R3HCC1L: variants seen among roughly 807,000 people sequenced by gnomAD.
R3HCC1L encodes R3H domain and coiled-coil containing 1 like.
A neutral mutation model predicts 59.9 loss-of-function variants in R3HCC1L; 51 were observed. That is an observed-to-expected ratio of 0.85 (90% CI 0.68 to 1.07). The LOEUF (loss-of-function observed/expected upper bound fraction) is 1.07. Among genes scored for constraint, R3HCC1L ranks in the 50% least tolerant of loss-of-function variants. The probability of loss-of-function intolerance (pLI) is 0.00; values close to 1 mark genes in which losing one functional copy is unlikely to be tolerated. For synonymous variants in R3HCC1L, 322 were observed against 315.2 expected (o/e 1.02, Z -0.23); for missense variants, 965 against 933.0 (o/e 1.03, Z -0.45).
intron 1 of R3HCC1L, among the ~76,000 whole-genome samples, chr10:98,139,283 T>C (rs530140531): frequency 3.3e-5 from 5 of 152,338 alleles, no homozygotes; most frequent in African/African-American, 1.2e-4. Flanking sequence ...AAAGTATAGA[T>C]TTTTCATTAG....
chr10:98,225,484 A>AG (rs987864610), intron 5 of R3HCC1L, among the ~76,000 whole-genome samples: 45 of 152,310 alleles, frequency 3.0e-4, no homozygotes, highest in African/African-American at 1.0e-3. Flanking sequence ...ACAAAAAAAA[A>AG]TGTGTTACTG....
At chr10:98,221,519 G>A (rs536287490) in intron 5 of R3HCC1L, among the ~76,000 whole-genome samples, 1 of 151,632 alleles carries the variant, frequency 6.6e-6, no homozygotes. Flanking sequence ...TAGGTCTAAC[G>A]TTTAAGTCTT....
chr10:98,169,913 G>A (rs1485831616), intron 4 of R3HCC1L, among the ~76,000 whole-genome samples: 1 of 139,600 alleles, frequency 7.2e-6, no homozygotes, highest in Non-Finnish European at 1.5e-5. Flanking sequence ...TGGAGTGAGT[G>A]CTTTTTTTTG....
chr10:98,151,101 C>T (rs1225441808), intron 1 of R3HCC1L, among the ~76,000 whole-genome samples: 1 of 152,138 alleles, frequency 6.6e-6, no homozygotes, highest in Non-Finnish European at 1.5e-5. Flanking sequence ...ACTGTCTCCT[C>T]CTCATTTTTG....
chr10:98,244,530 G>A lies in R3HCC1L; in HGVS notation c.*372G>A, dbSNP rs932614702. ...CAAACCGCAAGTATGGGAGATTTAG[G>A]CCCTGCAGAGGCAGACCATTCCTTA... On this transcript the variant is annotated 3_prime_UTR_variant, in exon 10 of 10. Transcript: ENST00000298999. 1.0e-5 allele frequency: 2 copies of A among 193,884 alleles called. No individual in the cohort carries two copies. The highest frequency in any genetic ancestry group is 2.2e-5 in the Non-Finnish European group (2 of 92,736). The allele number at this position is 193,884 out of a possible 1,614,324, so 12.0% of individuals were successfully genotyped here. A position where few individuals can be genotyped will look rare whatever the true frequency, so the allele number is the denominator to read the frequency against.
At chr10:98,177,499 A>C (rs1174249541) in intron 4 of R3HCC1L, among the ~76,000 whole-genome samples, 1 of 152,180 alleles carries the variant, frequency 6.6e-6, no homozygotes, top group Non-Finnish European at 1.5e-5. Flanking sequence ...ATATGTATGC[A>C]TGTGTCTTTA....
At position 98,151,960 on chromosome 10, in the gene R3HCC1L, C is replaced by T. The variant is rs940240322; in HGVS notation, c.-267-4133C>T. ...CGGTCTCCCTCTCCCTCTCTTTCCA[C>T]GGTCTCCCTCGCCCTCTTTCCACGG... On this transcript the variant is annotated intron_variant, in intron 1 of 9. Coordinates refer to ENST00000298999, the MANE Select transcript of R3HCC1L (RefSeq NM_001351015.2). 7.2e-5 allele frequency among the ~76,000 whole-genome samples: 11 copies of T among 152,136 alleles called. No individual in the cohort carries two copies. In the South Asian group the frequency reaches 1.5e-3, roughly 20 times the overall value.
intron 2 of R3HCC1L, 40 bp downstream of exon 2, chr10:98,156,187 C>T (rs1846855713): frequency 6.6e-6 from 1 of 152,046 alleles, no homozygotes; most frequent in African/African-American, 2.4e-5. Context: ...ATTTTTCTCT[C>T]CTGGGTTTGG....
At position 98,236,239 on chromosome 10, in the gene R3HCC1L, A is replaced by T; in HGVS notation, c.2269+75A>T. On this transcript the variant is annotated intron_variant, in intron 9 of 9. Coordinates refer to ENST00000298999, the MANE Select transcript of R3HCC1L (RefSeq NM_001351015.2). Reference sequence around the variant, plus strand: ...AAGGCATGTGTTTAAAAAAAAATGAATGAAGCCCATTCCATTTTTGTCGTT... The same window carrying T: ...AAGGCATGTGTTTAAAAAAAAATGATTGAAGCCCATTCCATTTTTGTCGTT... 2.0e-6 allele frequency: 3 copies of T among 1,537,396 alleles called. No individual in the cohort carries two copies. In the South Asian group the frequency reaches 3.7e-5, roughly 19 times the overall value.
chr10:98,236,561 A>T (rs1856983383), intron 9 of R3HCC1L, among the ~76,000 whole-genome samples: 1 of 152,202 alleles, frequency 6.6e-6, no homozygotes, highest in South Asian at 2.1e-4. Flanking sequence ...AATGGTTTAG[A>T]TCTGAGGTAG....
intron 5 of R3HCC1L, among the ~76,000 whole-genome samples, chr10:98,218,868 G>C (rs373867356): frequency 6.6e-6 from 1 of 152,090 alleles, no homozygotes; most frequent in East Asian, 1.9e-4. Context: ...TGTTGAGTGC[G>C]TCTATATTTA....
chr10:98,232,442 T>C (rs1439548717), intron 6 of R3HCC1L, among the ~76,000 whole-genome samples: 1 of 152,204 alleles, frequency 6.6e-6, no homozygotes, highest in Non-Finnish European at 1.5e-5. Flanking sequence ...GGTATGTGTA[T>C]AGCTGATACT....
At chr10:98,147,527 A>G (rs1845778827) in intron 1 of R3HCC1L, among the ~76,000 whole-genome samples, 1 of 152,100 alleles carries the variant, frequency 6.6e-6, no homozygotes, top group South Asian at 2.1e-4. Flanking sequence ...TTCTTCTAAT[A>G]ATTTGATGGT....
chr10:98,201,026 T>G (rs1402438301), intron 4 of R3HCC1L, among the ~76,000 whole-genome samples: 2 of 152,212 alleles, frequency 1.3e-5, no homozygotes, highest in East Asian at 1.9e-4. Context: ...CAGTCTCATT[T>G]GAATATACAC....
intron 9 of R3HCC1L, among the ~76,000 whole-genome samples, chr10:98,239,721 A>G (rs888802293): frequency 3.3e-5 from 5 of 152,156 alleles, no homozygotes; most frequent in African/African-American, 1.2e-4. Flanking sequence ...TTATTGAGAC[A>G]GGGTCTCACT....
chr10:98,174,760 A>G lies in R3HCC1L; in HGVS notation c.-15+11363A>G, dbSNP rs375996226. ...GACACCAAATCATGGAAAATCTTAAATGCAAGGTAAGCCTAGTTTATATAT... is the reference window on the plus strand; with the variant it reads ...GACACCAAATCATGGAAAATCTTAAGTGCAAGGTAAGCCTAGTTTATATAT... On this transcript the variant is annotated intron_variant, in intron 4 of 9. Transcript: ENST00000298999. 7 of 981,768 alleles carry G rather than the reference A, an allele frequency of 7.1e-6. No individual in the cohort carries two copies. The African/African-American group carries it at 1.2e-4, about 17-fold the overall frequency. The allele number at this position is 981,768 out of a possible 1,614,324, so 60.8% of individuals were successfully genotyped here. A position where few individuals can be genotyped will look rare whatever the true frequency, so the allele number is the denominator to read the frequency against.
At chr10:98,184,451 T>A (rs1362034895) in intron 4 of R3HCC1L, among the ~76,000 whole-genome samples, 1 of 152,204 alleles carries the variant, frequency 6.6e-6, no homozygotes, top group East Asian at 1.9e-4. Flanking sequence ...AGTAACATGC[T>A]GTACAGGTTT....
chr10:98,217,304 T>G (rs960765161), intron 5 of R3HCC1L, among the ~76,000 whole-genome samples: 8 of 152,192 alleles, frequency 5.3e-5, no homozygotes, highest in Admixed American at 4.6e-4. Context: ...TCTTGGTGCC[T>G]TTGTCGAAAA....
At chr10:98,193,594 A>G (rs1851096639) in intron 4 of R3HCC1L, among the ~76,000 whole-genome samples, 1 of 152,172 alleles carries the variant, frequency 6.6e-6, no homozygotes, top group African/African-American at 2.4e-5. Flanking sequence ...AACATTGCTG[A>G]AAGAAATTAA....
Sources: gnomAD v4.1 joint callset for allele counts (sites outside exome capture counted in the v4.1 genomes callset) on GRCh38, gnomAD v4.1.1 for gene constraint, MANE v1.5 for transcripts, NCBI Gene and HGNC (gene_info 2026-07-23, HGNC 2026-07-21) for gene names.